The following ZNF385D variants were observed in gnomAD, a reference collection of about 807,000 sequenced individuals.
ZNF385D encodes zinc finger protein 659.
In ZNF385D, 15 loss-of-function variants were observed where a neutral mutation model predicts 35.8. The observed-to-expected ratio is 0.42, with a 90% CI of 0.28 to 0.64. ZNF385D has a LOEUF of 0.64. Among genes scored for constraint, ZNF385D ranks in the 30% least tolerant of loss-of-function variants. ZNF385D has a pLI of 0.23. For missense variants in ZNF385D, 474 were observed against 494.6 expected, an observed-to-expected ratio of 0.96 and a Z score of 0.39; for synonymous variants, 212 against 186.8, an observed-to-expected ratio of 1.13 and a Z score of -1.10.
intron 5 of ZNF385D, among the ~76,000 whole-genome samples, chr3:21,426,172 A>G (rs1015380089): frequency 2.0e-5 from 3 of 152,208 alleles, no homozygotes; most frequent in African/African-American, 7.2e-5. Context: ...TCTAAACAGA[A>G]TACAAACAAG....
chr3:21,600,125 A>G (rs879431824), intron 2 of ZNF385D, among the ~76,000 whole-genome samples: 2 of 152,202 alleles, frequency 1.3e-5, no homozygotes, highest in African/African-American at 2.4e-5. Context: ...ATATGGTCTA[A>G]ATAGGGGAGG....
At chr3:21,428,947 C>CTTT (rs1575127423) in intron 5 of ZNF385D, among the ~76,000 whole-genome samples, 4 of 53,332 alleles carry the variant, frequency 7.5e-5, no homozygotes, top group Admixed American at 2.1e-4. Context: ...TTTTTTTTTG[C>CTTT]TTTCTGCTTA....
At chr3:22,137,397 A>T (rs1475045952) in intron 3 of ZNF385D, among the ~76,000 whole-genome samples, 9 of 152,190 alleles carry the variant, frequency 5.9e-5, no homozygotes, top group Non-Finnish European at 1.5e-5. Flanking sequence ...AATATCCTTG[A>T]TGAACATTGA....
intron 2 of ZNF385D, among the ~76,000 whole-genome samples, chr3:21,599,957 C>T (rs761670379): frequency 1.3e-5 from 2 of 152,168 alleles, no homozygotes; most frequent in Non-Finnish European, 2.9e-5. Flanking sequence ...GGATACAGGT[C>T]ATAAAGACCT....
chr3:22,269,829 C>T (rs1274831168), intron 2 of ZNF385D, among the ~76,000 whole-genome samples: 1 of 151,780 alleles, frequency 6.6e-6, no homozygotes, highest in Non-Finnish European at 1.5e-5. Context: ...AATGCTAACT[C>T]CAAGCCCTAA....
chr3:22,186,044 G>C (rs531274505), intron 2 of ZNF385D, among the ~76,000 whole-genome samples: 1 of 152,054 alleles, frequency 6.6e-6, no homozygotes, highest in Admixed American at 6.6e-5. Context: ...CACAACTTGG[G>C]ACTTTCCTGG....
chr3:21,437,424 C>T (rs1701613671), intron 4 of ZNF385D, among the ~76,000 whole-genome samples: 1 of 151,838 alleles, frequency 6.6e-6, no homozygotes, highest in Admixed American at 6.6e-5. Flanking sequence ...TCTTGAACAT[C>T]AATATAAATA....
chr3:22,305,086 G>A (rs115538407), intron 2 of ZNF385D, among the ~76,000 whole-genome samples: 64 of 151,798 alleles, frequency 4.2e-4, no homozygotes, highest in African/African-American at 1.5e-3. Flanking sequence ...TTTAATCTCA[G>A]CTTTCGTCTT....
intron 3 of ZNF385D, among the ~76,000 whole-genome samples, chr3:21,558,693 A>G (rs2062830193): frequency 6.6e-6 from 1 of 151,856 alleles, no homozygotes; most frequent in African/African-American, 2.4e-5. Context: ...TGAGTTCTGA[A>G]TATCTTTGTT....
At chr3:22,033,906 G>A (rs1249034264) in intron 3 of ZNF385D, among the ~76,000 whole-genome samples, 1 of 152,100 alleles carries the variant, frequency 6.6e-6, no homozygotes, top group East Asian at 1.9e-4. Flanking sequence ...ACTTCACCCA[G>A]TACTTTCCTT....
At chr3:21,559,878 T>C (rs970350276) in intron 3 of ZNF385D, among the ~76,000 whole-genome samples, 28 of 152,212 alleles carry the variant, frequency 1.8e-4, no homozygotes, top group African/African-American at 6.5e-4. Context: ...CTTTTTTCTC[T>C]AATCTTGTCT....
chr3:21,523,287 G>C (rs1422980022), intron 3 of ZNF385D, among the ~76,000 whole-genome samples: 1 of 152,180 alleles, frequency 6.6e-6, no homozygotes, highest in South Asian at 2.1e-4. Flanking sequence ...GAACGGAAGA[G>C]AACTTGTACT....
chr3:22,023,948 C>G (rs1456444575), intron 3 of ZNF385D, among the ~76,000 whole-genome samples: 1 of 152,140 alleles, frequency 6.6e-6, no homozygotes, highest in East Asian at 1.9e-4. Flanking sequence ...TGAGTGTCAA[C>G]TTGATTGGAT....
At chr3:21,990,084 G>T (rs377049191) in intron 3 of ZNF385D, among the ~76,000 whole-genome samples, 33 of 152,252 alleles carry the variant, frequency 2.2e-4, no homozygotes, top group East Asian at 1.7e-3. Flanking sequence ...TTCTGCTATT[G>T]TTTCACAGGG....
chr3:22,216,047 C>T (rs556257342), intron 2 of ZNF385D, among the ~76,000 whole-genome samples: 2 of 152,086 alleles, frequency 1.3e-5, no homozygotes, highest in Non-Finnish European at 2.9e-5. Context: ...AGTCTGTGTT[C>T]CCAGGCAAAA....
intron 3 of ZNF385D, among the ~76,000 whole-genome samples, chr3:22,041,713 T>C (rs2125505575): frequency 6.6e-6 from 1 of 152,230 alleles, no homozygotes; most frequent in Admixed American, 6.5e-5. Flanking sequence ...ACCTGAAATA[T>C]TGTTTTAGGT....
intron 3 of ZNF385D, among the ~76,000 whole-genome samples, chr3:22,050,394 C>T (rs1184688832): frequency 6.6e-6 from 1 of 151,942 alleles, no homozygotes; most frequent in Non-Finnish European, 1.5e-5. Context: ...AAAAAAACCA[C>T]CACCACAACA....
intron 3 of ZNF385D, among the ~76,000 whole-genome samples, chr3:21,838,559 A>G (rs2125781070): frequency 6.6e-6 from 1 of 152,202 alleles, no homozygotes; most frequent in South Asian, 2.1e-4. Flanking sequence ...AGCCACTAAA[A>G]AACAATAGCG....
intron 2 of ZNF385D, among the ~76,000 whole-genome samples, chr3:22,331,695 A>G (rs1292458856): frequency 1.3e-5 from 2 of 152,166 alleles, no homozygotes; most frequent in East Asian, 3.9e-4. Context: ...TGTATCAGCT[A>G]TAGACTACCA....
Sources: gnomAD v4.1 joint callset for allele counts (sites outside exome capture counted in the v4.1 genomes callset) on GRCh38, gnomAD v4.1.1 for gene constraint, MANE v1.5 for transcripts, NCBI Gene and HGNC (gene_info 2026-07-23, HGNC 2026-07-21) for gene names.